The following LAMB4 variants were observed in gnomAD, a reference collection of about 807,000 sequenced individuals.
LAMB4 encodes laminin subunit beta-4.
A neutral mutation model predicts 199.2 loss-of-function variants in LAMB4; 196 were observed. The observed-to-expected ratio is 0.98, with a 90% CI of 0.88 to 1.11. The LOEUF is 1.11. Among genes scored for constraint, LAMB4 ranks in the 50% least tolerant of loss-of-function variants. The probability of loss-of-function intolerance (pLI) is 0.00; values close to 1 mark genes in which losing one functional copy is unlikely to be tolerated. For synonymous variants in LAMB4, 744 were observed against 770.6 expected (o/e 0.97, Z 0.57); for missense variants, 2,080 against 2,171.2 (o/e 0.96, Z 0.83).
At chr7:108,108,468 C>A (rs1325364855) in intron 5 of LAMB4, among the ~76,000 whole-genome samples, 2 of 152,142 alleles carry the variant, frequency 1.3e-5, no homozygotes, top group African/African-American at 4.8e-5. Flanking sequence ...TCTTATATAT[C>A]CTTCAAACCC....
intron 10 of LAMB4, 48 bp from the exon 11 acceptor site, chr7:108,098,630 A>C: frequency 6.7e-7 from 1 of 1,482,374 alleles, no homozygotes; most frequent in Non-Finnish European, 9.1e-7. Context: ...AATTGTGGGA[A>C]GCCTGAAATA....
intron 1 of LAMB4, among the ~76,000 whole-genome samples, chr7:108,126,615 A>G (rs2038794912): frequency 8.5e-6 from 1 of 117,286 alleles, no homozygotes; most frequent in African/African-American, 3.4e-5. Context: ...CGGACTGCGG[A>G]CTGCAGTGGC....
chr7:108,093,660 A>G (rs988649120), intron 12 of LAMB4, among the ~76,000 whole-genome samples: 1 of 152,164 alleles, frequency 6.6e-6, no homozygotes, highest in Non-Finnish European at 1.5e-5. Context: ...CTATTTTCTA[A>G]GTGTTATAAT....
At chr7:108,116,216 C>T in intron 2 of LAMB4, 55 bp from the exon 3 acceptor site, 2 of 1,512,180 alleles carry the variant, frequency 1.3e-6, no homozygotes, top group Admixed American at 1.9e-5. Context: ...CAGCACAGGG[C>T]CTGCAGAAAT....
intron 2 of LAMB4, among the ~76,000 whole-genome samples, chr7:108,118,319 C>T (rs905179962): frequency 2.4e-4 from 37 of 151,722 alleles, no homozygotes; most frequent in Non-Finnish European, 7.4e-5. Context: ...CCTAGAATGG[C>T]TAAAACATTT....
In LAMB4 at chr7:108,024,018, G is replaced by A. The variant is rs1365611342; in HGVS notation, c.*21C>T. The A allele has an allele frequency of 1.3e-5, 20 of 1,583,770 alleles. No individual in the cohort carries two copies. Among genetic ancestry groups the A allele is most frequent in the Non-Finnish European group, 1.7e-5 (20 of 1,169,642 alleles). ...TCAGAAACCAGAAACAAAGGCACAA[G>A]CTTTTGCTCTTTAACTCTGCCTAGC... On this transcript the variant is annotated 3_prime_UTR_variant, in exon 34 of 34. Transcript: ENST00000388781.
intron 14 of LAMB4, among the ~76,000 whole-genome samples, chr7:108,084,555 C>T (rs534775856): frequency 6.6e-6 from 1 of 152,230 alleles, no homozygotes; most frequent in South Asian, 2.1e-4. Flanking sequence ...CTTGTTGACC[C>T]ATTTGCAGAT....
Position 108,030,982 on chromosome 7 carries a change from G to A in LAMB4, c.4819-3C>T. On this transcript the variant is annotated splice_polypyrimidine_tract_variant and splice_region_variant and intron_variant, in intron 31 of 33. Coordinates refer to ENST00000388781, the MANE Select transcript of LAMB4 (RefSeq NM_007356.3). ...ATTTCCCTGGTTTGATTTTCAGCCT[G>A]TTGTTGATTTAAAGACCAAAAAGGG... 3.7e-6 allele frequency: 6 copies of A among 1,611,290 alleles called. No homozygotes were observed. Among genetic ancestry groups the A allele is most frequent in the Non-Finnish European group, 5.1e-6 (6 of 1,178,548 alleles).
At chr7:108,071,165 C>T (rs2036521003) in intron 17 of LAMB4, among the ~76,000 whole-genome samples, 5 of 152,174 alleles carry the variant, frequency 3.3e-5, no homozygotes, top group Admixed American at 3.3e-4. Context: ...CTCAATCGTA[C>T]ATATTCCTCT....
At position 108,068,005 on chromosome 7, in the gene LAMB4, T is replaced by C. The variant is rs766844298; in HGVS notation, c.2446+11A>G. On this transcript the variant is annotated intron_variant, in intron 19 of 33. Transcript: ENST00000388781. Reference sequence around the variant, plus strand: ...GAGCAAGTGTTTCCCCTTGTGTGTTTTGCTACGTACGGTGACAGCCGTGAT... The same window carrying C: ...GAGCAAGTGTTTCCCCTTGTGTGTTCTGCTACGTACGGTGACAGCCGTGAT... The C allele has an allele frequency of 3.1e-6, 5 of 1,614,068 alleles. No individual in the cohort carries two copies. Among genetic ancestry groups the C allele is most frequent in the Non-Finnish European group, 8.5e-7 (1 of 1,180,010 alleles).
At position 108,130,168 on chromosome 7, in the gene LAMB4, G is replaced by T. The variant is rs553829819; in HGVS notation, c.-34+138C>A. 15 of 152,260 alleles carry T rather than the reference G, an allele frequency of 9.9e-5. No homozygotes were observed. In the East Asian group the frequency reaches 2.9e-3, roughly 29 times the overall value. 9.4% of individuals were successfully genotyped at this position (152,260 alleles called of 1,614,324 possible). On this transcript the variant is annotated intron_variant, in intron 1 of 33. Coordinates refer to ENST00000388781, the MANE Select transcript of LAMB4 (RefSeq NM_007356.3). ...TTAAGTGTCATTGGACTATCATTCTGTAAAAGTAATAGTAATCTATGTGCT... is the reference window on the plus strand; with the variant it reads ...TTAAGTGTCATTGGACTATCATTCTTTAAAAGTAATAGTAATCTATGTGCT...
intron 14 of LAMB4, among the ~76,000 whole-genome samples, chr7:108,089,616 C>T (rs975622550): frequency 2.0e-5 from 3 of 152,180 alleles, no homozygotes; most frequent in Admixed American, 2.0e-4. Flanking sequence ...GCCTGGAGCT[C>T]AGCTTTGTGT....
chr7:108,077,040 G>A lies in LAMB4; in HGVS notation c.2028C>T (p.Ile676=), dbSNP rs1213190636. Residue 676 remains isoleucine (I), a synonymous_variant, in exon 17 of 34, where the codon ATC becomes ATT. Coordinates refer to ENST00000388781, the MANE Select transcript of LAMB4 (RefSeq NM_007356.3). ...ATRIMLLPTP[I]CLEPDVQYSI... Reference sequence around the variant, plus strand: ...AATATTGTACATCTGGTTCTAAACAGATGGGTGTGGGAAGCAGCATGATTC... The same window carrying A: ...AATATTGTACATCTGGTTCTAAACAAATGGGTGTGGGAAGCAGCATGATTC... 8 of 1,613,942 alleles carry A rather than the reference G, an allele frequency of 5.0e-6. No individual in the cohort carries two copies. In the East Asian group the frequency reaches 6.7e-5, roughly 13 times the overall value.
intron 9 of LAMB4, 136 bp downstream of exon 9, chr7:108,104,363 G>T: frequency 1.1e-6 from 1 of 898,400 alleles, no homozygotes. Context: ...GGAACACTGG[G>T]ATATCACACT....
intron 24 of LAMB4, 50 bp from the exon 25 acceptor site, chr7:108,056,057 A>T (rs752200960): frequency 6.6e-7 from 1 of 1,521,052 alleles, no homozygotes; most frequent in Non-Finnish European, 8.8e-7. Context: ...CCTTTTGTTG[A>T]TGACTAACTC....
chr7:108,098,531 T>C lies in LAMB4; in HGVS notation c.1232A>G (p.His411Arg). The C allele has an allele frequency of 3.7e-6, 6 of 1,613,398 alleles. No homozygotes were observed. Among genetic ancestry groups the C allele is most frequent in the South Asian group, 1.1e-5 (1 of 91,000 alleles). The change falls in exon 11 of 34, where the codon CAC becomes CGC. Residue 411 changes from histidine to arginine, a missense_variant. Physicochemically the swap from His to Arg is conservative, Grantham distance 29 (BLOSUM62 0). Coordinates refer to ENST00000388781, the MANE Select transcript of LAMB4 (RefSeq NM_007356.3). ...CACAGACCCTAAGGCAGGATCAGAG[T>C]GGCTCACACAAATGCCACCAGATAT... Reference protein sequence around the residue: ...GTISGGICVSHSDPALGSVAG... With the variant: ...GTISGGICVSRSDPALGSVAG...
rs779933845 is a variant in LAMB4 at position 108,068,130 on chromosome 7, C to T, written c.2332G>A (p.Gly778Arg). The change falls in exon 19 of 34, where the codon GGA becomes AGA. Residue 778 changes from glycine to arginine, a missense_variant. Gly to Arg is a moderately radical substitution (Grantham distance 125, BLOSUM62 -2). Coordinates refer to ENST00000388781, the MANE Select transcript of LAMB4 (RefSeq NM_007356.3). Reference protein sequence around the residue: ...ACKCHPQGSVGSSCSRLGGQC... With the variant: ...ACKCHPQGSVRSSCSRLGGQC... ...CCTCCAAGTCGGCTGCAGCTGGATCCGACTGAGCCCTGGGGGTGACACTTG... is the reference window on the plus strand; with the variant it reads ...CCTCCAAGTCGGCTGCAGCTGGATCTGACTGAGCCCTGGGGGTGACACTTG... The T allele has an allele frequency of 1.2e-4, 195 of 1,614,096 alleles. No individual in the cohort carries two copies. In the East Asian group the frequency reaches 1.6e-3, roughly 13 times the overall value.
At chr7:108,124,801 C>A (rs962805207) in intron 1 of LAMB4, among the ~76,000 whole-genome samples, 1 of 152,170 alleles carries the variant, frequency 6.6e-6, no homozygotes, top group Non-Finnish European at 1.5e-5. Flanking sequence ...CCTCCTACTC[C>A]CATATTCCCA....
chr7:108,052,058 CTT>C, intron 26 of LAMB4, 37 bp downstream of exon 26: 2 of 1,558,562 alleles, frequency 1.3e-6, no homozygotes, highest in Non-Finnish European at 1.7e-6. Context: ...TTTCATCAAA[CTT>C]TGTGCAGACA....
Sources: gnomAD v4.1 joint callset for allele counts (sites outside exome capture counted in the v4.1 genomes callset) on GRCh38, gnomAD v4.1.1 for gene constraint, MANE v1.5 for transcripts, NCBI Gene and HGNC (gene_info 2026-07-23, HGNC 2026-07-21) for gene names.